Variants in PDIA4 observed in about 807,000 individuals in gnomAD.
PDIA4 encodes the protein protein disulfide isomerase family A member 4.
Under a neutral mutation model 62.1 loss-of-function variants are expected in PDIA4, and 33 were observed. The ratio of observed to expected loss-of-function variants is 0.53; its 90% CI spans 0.40 to 0.71. PDIA4 has a LOEUF of 0.71. Among genes scored for constraint, PDIA4 ranks in the 30% least tolerant of loss-of-function variants. PDIA4 has a pLI of 0.00. For missense variants in PDIA4, 804 were observed against 813.6 expected, an observed-to-expected ratio of 0.99 and a Z score of 0.14; for synonymous variants, 341 against 324.1, an observed-to-expected ratio of 1.05 and a Z score of -0.56.
chr7:149,022,502 C>G (rs1824388531), intron 1 of PDIA4, among the ~76,000 whole-genome samples: 1 of 152,190 alleles, frequency 6.6e-6, no homozygotes, highest in African/African-American at 2.4e-5. Context: ...GAACTGGGCA[C>G]AGCAAGCACG....
Position 149,019,461 on chromosome 7 carries a change from T to C in PDIA4, c.270-264A>G, listed in dbSNP as rs146740231. Among the ~76,000 whole-genome samples, 4 of 152,278 alleles carry C rather than the reference T, an allele frequency of 2.6e-5. No individual in the cohort carries two copies. The East Asian group carries it at 7.7e-4, about 29-fold the overall frequency. On this transcript the variant is annotated intron_variant, in intron 2 of 9. Coordinates refer to ENST00000652332, the MANE Select transcript of PDIA4 (RefSeq NM_004911.5). ...ATGGCCGGGTGCAGTGGCTCACACCTGTAATCCCAGCACTTTGGCAGGCTG... is the reference window on the plus strand; with the variant it reads ...ATGGCCGGGTGCAGTGGCTCACACCCGTAATCCCAGCACTTTGGCAGGCTG...
At chr7:149,026,803 A>G (rs1304030214) in intron 1 of PDIA4, among the ~76,000 whole-genome samples, 12 of 91,092 alleles carry the variant, frequency 1.3e-4, no homozygotes, top group African/African-American at 7.5e-4. Context: ...TATCTAGGAA[A>G]AAAAAAAAAA....
At chr7:149,008,127 C>T in intron 7 of PDIA4, 32 bp downstream of exon 7, 1 of 1,604,176 alleles carries the variant, frequency 6.2e-7, no homozygotes, top group Non-Finnish European at 8.5e-7. Flanking sequence ...TGCGGGGTGT[C>T]CAGGGCTGGC....
intron 1 of PDIA4, among the ~76,000 whole-genome samples, chr7:149,023,300 A>G (rs1327151724): frequency 2.0e-5 from 3 of 152,088 alleles, no homozygotes; most frequent in Admixed American, 6.5e-5. Context: ...CCCAAGAGGG[A>G]GAAAAAAGAA....
In PDIA4 at chr7:149,019,098, G is replaced by A. The variant is rs1224058206; in HGVS notation, c.369C>T (p.Thr123=). Residue 123 remains threonine (T), a synonymous_variant, in exon 3 of 10, where the codon ACC becomes ACT. Coordinates refer to ENST00000652332, the MANE Select transcript of PDIA4 (RefSeq NM_004911.5). ...ACCTGCTGGCCAGCACAGACGCTGA[G>A]GTTGCATCGATCTTGGCAACAGGAA... The part of the protein sequence containing the change: ...PPIPVAKIDA[T]SASVLASRFD... 2 of 1,613,632 alleles carry A rather than the reference G, an allele frequency of 1.2e-6. No individual in the cohort carries two copies. The highest frequency in any genetic ancestry group is 4.5e-5 in the East Asian group (2 of 44,866).
At chr7:149,004,298 G>T in intron 9 of PDIA4, 89 bp from the exon 10 acceptor site, 1 of 1,297,884 alleles carries the variant, frequency 7.7e-7, no homozygotes, top group Non-Finnish European at 1.1e-6. Flanking sequence ...AGTGAGGTTG[G>T]TGTGGCCACC....
intron 7 of PDIA4, among the ~76,000 whole-genome samples, chr7:149,007,108 A>AGTCCAGGGAAG (rs139402094): frequency 0.012 from 1,793 of 152,238 alleles, 27 homozygotes; most frequent in African/African-American, 0.04. Context: ...AGCCACTATG[A>AGTCCAGGGAAG]GTCCAGGGAA....
At chr7:149,028,290 C>G in intron 1 of PDIA4, 31 bp downstream of exon 1, 1 of 1,487,352 alleles carries the variant, frequency 6.7e-7, no homozygotes, top group Admixed American at 2.0e-5. Flanking sequence ...CCCGCAAGCA[C>G]AGCCCGACCC....
In PDIA4 at chr7:149,028,309, C is replaced by G; in HGVS notation, c.88+12G>C. ...CAAGCACAGCCCGACCCGCGGCGCGCTTGCCGCTCACCCTCGTCCGGGCCC... is the reference window on the plus strand; with the variant it reads ...CAAGCACAGCCCGACCCGCGGCGCGGTTGCCGCTCACCCTCGTCCGGGCCC... On this transcript the variant is annotated intron_variant, in intron 1 of 9. Coordinates refer to ENST00000652332, the MANE Select transcript of PDIA4 (RefSeq NM_004911.5). 6.6e-7 allele frequency: 1 copy of G among 1,516,450 alleles called. No individual in the cohort carries two copies. Among genetic ancestry groups the G allele is most frequent in the South Asian group, 1.2e-5 (1 of 82,206 alleles). 93.9% of individuals were successfully genotyped at this position (1,516,450 alleles called of 1,614,324 possible).
At chr7:149,024,530 G>A (rs1326975027) in intron 1 of PDIA4, among the ~76,000 whole-genome samples, 2 of 152,046 alleles carry the variant, frequency 1.3e-5, no homozygotes, top group African/African-American at 4.8e-5. Flanking sequence ...ATACATCCAG[G>A]GCCGGGCATG....
intron 3 of PDIA4, among the ~76,000 whole-genome samples, chr7:149,017,210 T>C (rs1285215956): frequency 6.6e-6 from 1 of 152,124 alleles, no homozygotes; most frequent in African/African-American, 2.4e-5. Flanking sequence ...CGCATCTTTT[T>C]TTTTTTTTCT....
At chr7:149,009,384 A>G (rs1429846121) in intron 6 of PDIA4, among the ~76,000 whole-genome samples, 1 of 152,234 alleles carries the variant, frequency 6.6e-6, no homozygotes, top group African/African-American at 2.4e-5. Flanking sequence ...GTCTATAAGC[A>G]GCACTGATTC....
chr7:149,011,624 C>T (rs566219167), intron 6 of PDIA4, among the ~76,000 whole-genome samples: 2 of 152,146 alleles, frequency 1.3e-5, no homozygotes, highest in Admixed American at 6.5e-5. Context: ...GAGCTGGGAC[C>T]GGTCTGACTG....
In PDIA4 at chr7:149,026,951, G is replaced by T. The variant is rs7793916; in HGVS notation, c.88+1370C>A. Among the ~76,000 whole-genome samples the T allele has an allele frequency of 2.0e-5, 3 of 151,916 alleles. 1 individual carries two copies. The South Asian group carries it at 6.2e-4, about 32-fold the overall frequency. ...TCTGACCGGAAGGATAAACTTGCTG[G>T]TCCTAACAGCTCCTAAAGCCACTCT... On this transcript the variant is annotated intron_variant, in intron 1 of 9. Coordinates refer to ENST00000652332, the MANE Select transcript of PDIA4 (RefSeq NM_004911.5).
intron 7 of PDIA4, among the ~76,000 whole-genome samples, chr7:149,006,762 T>C (rs1823771593): frequency 6.6e-6 from 1 of 152,182 alleles, no homozygotes; most frequent in Admixed American, 6.5e-5. Context: ...AAGGAGGGCC[T>C]GGGAGGCCAT....
chr7:149,006,872 G>A (rs570201479), intron 7 of PDIA4, among the ~76,000 whole-genome samples: 2 of 152,306 alleles, frequency 1.3e-5, no homozygotes, highest in South Asian at 4.1e-4. Flanking sequence ...GCAGGGAAAC[G>A]CCAGAAGAAC....
Position 149,006,002 on chromosome 7 carries a change from G to C in PDIA4, c.1183C>G (p.Pro395Ala), listed in dbSNP as rs771566001. 1.3e-6 allele frequency: 2 copies of C among 1,550,506 alleles called. No individual in the cohort carries two copies. Among genetic ancestry groups the C allele is most frequent in the Non-Finnish European group, 1.7e-6 (2 of 1,156,906 alleles). Residue 395 changes from proline (P) to alanine (A), a missense_variant, in exon 8 of 10, where the codon CCC (proline) becomes GCC (alanine). By Grantham distance (27) the Pro-to-Ala change is conservative (BLOSUM62 -1). Transcript: ENST00000652332. ...IKDFVLKYAL[P>A]LVGHRKVSND... The stretch of plus-strand genomic sequence containing the variant: ...GACACCTTGCGGTGGCCAACCAGGG[G>C]CAGGGCGTACTTCAGCACGAAGTCC...
At position 149,023,261 on chromosome 7, in the gene PDIA4, T is replaced by C. The variant is rs1469267846; in HGVS notation, c.89-2114A>G. Reference sequence around the variant, plus strand: ...GAAACCCAGTGTTCCCAAGGTTTTCTGGTCTCCCTTTTCAGATCATTCTAG... The same window carrying C: ...GAAACCCAGTGTTCCCAAGGTTTTCCGGTCTCCCTTTTCAGATCATTCTAG... On this transcript the variant is annotated intron_variant, in intron 1 of 9. Transcript: ENST00000652332. 7.2e-5 allele frequency among the ~76,000 whole-genome samples: 11 copies of C among 152,314 alleles called. No individual in the cohort carries two copies. In the East Asian group the frequency reaches 1.9e-3, roughly 27 times the overall value.
chr7:149,004,391 A>C (rs1387529698), intron 9 of PDIA4, among the ~76,000 whole-genome samples, 182 bp from the exon 10 acceptor site: 1 of 152,258 alleles, frequency 6.6e-6, no homozygotes, highest in Non-Finnish European at 1.5e-5. Context: ...TGCAAAGGCC[A>C]GAGAGGTTGC....
Sources: gnomAD v4.1 joint callset for allele counts (sites outside exome capture counted in the v4.1 genomes callset) on GRCh38, gnomAD v4.1.1 for gene constraint, MANE v1.5 for transcripts, NCBI Gene and HGNC (gene_info 2026-07-23, HGNC 2026-07-21) for gene names.